The following STARD8 variants were observed in gnomAD, a reference collection of about 807,000 sequenced individuals.
The protein encoded by STARD8 is stAR-related lipid transfer protein 8.
In STARD8, 25 loss-of-function variants were observed where a neutral mutation model predicts 69.4. The observed-to-expected ratio is 0.36, with a 90% CI of 0.26 to 0.50. The LOEUF (loss-of-function observed/expected upper bound fraction) is 0.50, where lower values mean the gene tolerates loss of function less well. Ranked by LOEUF, STARD8 falls within the 20% of genes least tolerant of loss-of-function variation. The pLI, the probability that STARD8 is intolerant of heterozygous loss-of-function variation, is 0.96. For missense variants in STARD8, 921 were observed against 932.5 expected, an observed-to-expected ratio of 0.99 and a Z score of 0.16; for synonymous variants, 389 against 374.6, an observed-to-expected ratio of 1.04 and a Z score of -0.45.
At chrX:68,720,893 C>G in intron 8 of STARD8, 31 bp from the exon 9 acceptor site, 1 of 1,186,046 alleles carries the variant, frequency 8.4e-7, no homozygotes, top group Non-Finnish European at 1.1e-6. Context: ...TGCATGTTTT[C>G]CTCACTCCCT....
At chrX:68,697,384 C>A (rs908836328) in intron 2 of STARD8, among the ~76,000 whole-genome samples, 1 of 111,932 alleles carries the variant, frequency 8.9e-6, no homozygotes, top group Non-Finnish European at 1.9e-5. Context: ...AGATGTTAGC[C>A]GCCTCTAGGG....
chrX:68,714,466 C>T lies in STARD8; in HGVS notation c.152-828C>T, dbSNP rs1366699778. On this transcript the variant is annotated intron_variant, in intron 3 of 14. Transcript: ENST00000374599. ...GACTCAGCTCGGATGTCACTGCTTTCAGAAAGCTCTCTGCTGACCACCTCT... is the reference window on the plus strand; with the variant it reads ...GACTCAGCTCGGATGTCACTGCTTTTAGAAAGCTCTCTGCTGACCACCTCT... 2.7e-5 allele frequency among the ~76,000 whole-genome samples: 3 copies of T among 112,072 alleles called. No homozygotes were observed. In the Admixed American group the frequency reaches 2.8e-4, roughly 11 times the overall value.
chrX:68,721,836 G>T, intron 10 of STARD8, 90 bp downstream of exon 10: 1 of 964,707 alleles, frequency 1.0e-6, no homozygotes, highest in Admixed American at 2.6e-5. Flanking sequence ...TGGCACTGCT[G>T]TGTCTCAGCC....
At chrX:68,668,258 CTT>C (rs1183843063) in intron 2 of STARD8, among the ~76,000 whole-genome samples, 29 of 82,588 alleles carry the variant, frequency 3.5e-4, no homozygotes, top group African/African-American at 1.5e-3. Context: ...TTCTTTCTTT[CTT>C]TCTTTCTTTC....
At chrX:68,675,200 C>T (rs192956600) in intron 2 of STARD8, among the ~76,000 whole-genome samples, 4 of 110,878 alleles carry the variant, frequency 3.6e-5, no homozygotes, top group Non-Finnish European at 7.6e-5. Flanking sequence ...TCAGGTGATC[C>T]GCCTGCCTCG....
At chrX:68,715,146 C>T (rs2080081703) in intron 3 of STARD8, 148 bp from the exon 4 acceptor site, 2 of 487,116 alleles carry the variant, frequency 4.1e-6, no homozygotes, top group Non-Finnish European at 6.9e-6. Context: ...TGGGCACCCT[C>T]CTTTATTCCT....
At chrX:68,714,242 C>T (rs1450214213) in intron 3 of STARD8, among the ~76,000 whole-genome samples, 2 of 112,336 alleles carry the variant, frequency 1.8e-5, no homozygotes, top group Non-Finnish European at 3.8e-5. Flanking sequence ...GAATGTAATA[C>T]ACACAGACAC....
intron 1 of STARD8, among the ~76,000 whole-genome samples, chrX:68,654,555 A>G (rs947213284): frequency 3.6e-5 from 4 of 111,628 alleles, no homozygotes; most frequent in African/African-American, 1.3e-4. Flanking sequence ...ATGAGTGTGT[A>G]TGTGCACAAG....
rs1193703763 is a variant in STARD8 at position 68,718,158 on chromosome X, C to A, written c.1244C>A (p.Pro415His). 8.3e-7 allele frequency: 1 copy of A among 1,211,718 alleles called. No individual in the cohort carries two copies. Among genetic ancestry groups the A allele is most frequent in the South Asian group, 1.8e-5 (1 of 56,927 alleles). ...CGGGCCATGTACCCAGACCTGGGGC[C>A]TGGAGATGAGGAAGAGGAGGAGGCC... ...WSRAMYPDLG[P>H]GDEEEEEATS... Residue 415 changes from proline to histidine, a missense_variant, in exon 6 of 15, where the codon CCT becomes CAT. Coordinates refer to ENST00000374599, the MANE Select transcript of STARD8 (RefSeq NM_001142503.3).
intron 1 of STARD8, among the ~76,000 whole-genome samples, chrX:68,652,915 C>A (rs1602534000): frequency 3.6e-5 from 2 of 55,790 alleles, no homozygotes; most frequent in Non-Finnish European, 3.1e-5. Context: ...CACCACACCA[C>A]ACACACACAT....
chrX:68,668,999 C>T (rs1324590658), intron 2 of STARD8, among the ~76,000 whole-genome samples: 2 of 111,496 alleles, frequency 1.8e-5, no homozygotes, highest in African/African-American at 6.5e-5. Flanking sequence ...ATATCAAACA[C>T]TGAGAAACAC....
intron 11 of STARD8, 31 bp downstream of exon 11, chrX:68,722,192 A>G (rs1472884224): frequency 8.8e-7 from 1 of 1,139,073 alleles, no homozygotes; most frequent in Non-Finnish European, 1.2e-6. Flanking sequence ...ACACCTACTT[A>G]CCAGACCTGG....
intron 2 of STARD8, among the ~76,000 whole-genome samples, chrX:68,688,895 C>A (rs1403989631): frequency 9.3e-6 from 1 of 107,431 alleles, no homozygotes; most frequent in African/African-American, 3.4e-5. Context: ...AGATGCCCCA[C>A]CCCCATGGGA....
intron 2 of STARD8, among the ~76,000 whole-genome samples, chrX:68,692,928 A>G (rs1026607368): frequency 8.8e-6 from 1 of 113,121 alleles, no homozygotes; most frequent in African/African-American, 3.2e-5. Context: ...CAATTCAACA[A>G]TGAAATCAAG....
chrX:68,720,143 G>T, intron 7 of STARD8, 121 bp from the exon 8 acceptor site: 1 of 841,220 alleles, frequency 1.2e-6, no homozygotes, highest in Non-Finnish European at 1.6e-6. Context: ...CTCAATGAGT[G>T]TTGACTCTGG....
In STARD8 at chrX:68,702,468, G is replaced by A. The variant is rs1420982195; in HGVS notation, c.80-10446G>A. Among the ~76,000 whole-genome samples the A allele has an allele frequency of 2.7e-5, 3 of 112,284 alleles. No individual in the cohort carries two copies. In the East Asian group the frequency reaches 8.4e-4, roughly 31 times the overall value. ...TCTTGTGGGGACCAAGTGACATACA[G>A]GATGATCAAGTGCTTTCCTGGCTGA... On this transcript the variant is annotated intron_variant, in intron 2 of 14. Transcript: ENST00000374599.
At chrX:68,687,632 G>A (rs900065077) in intron 2 of STARD8, among the ~76,000 whole-genome samples, 1 of 112,255 alleles carries the variant, frequency 8.9e-6, no homozygotes, top group African/African-American at 3.2e-5. Context: ...TTGTACTTAT[G>A]GGGACACTGA....
At chrX:68,713,108 C>T (rs2080064915) in intron 3 of STARD8, 123 bp downstream of exon 3, 27 of 692,212 alleles carry the variant, frequency 3.9e-5, no homozygotes, top group Non-Finnish European at 5.3e-5. Flanking sequence ...GGCCCTGCTC[C>T]GATTTTTTTC....
rs1189946800 is a variant in STARD8, at chrX:68,717,316, C to G, written c.402C>G (p.Ala134=). ...CTATGGGGTCCTCTGATCTGTTGGC[C>G]CCACCGAGCCCTGGCCTGCCAGCGA... The part of the protein sequence containing the change: ...WSPMGSSDLL[A]PPSPGLPATS... Residue 134 remains alanine, a synonymous_variant, in exon 6 of 15, where the codon GCC becomes GCG. Transcript: ENST00000374599. 8.3e-7 allele frequency: 1 copy of G among 1,205,966 alleles called. No individual in the cohort carries two copies. The highest frequency in any genetic ancestry group is 3.0e-5 in the East Asian group (1 of 33,652).
Sources: allele counts gnomAD v4.1 joint callset (sites outside exome capture counted in the v4.1 genomes callset), GRCh38; gene constraint gnomAD v4.1.1; transcripts MANE v1.5; gene names NCBI Gene and HGNC (gene_info 2026-07-23, HGNC 2026-07-21).